The following TMEM65 variants were observed in gnomAD, a reference collection of about 807,000 sequenced individuals.
TMEM65 encodes the protein transmembrane protein 65.
Under a neutral mutation model 25.4 loss-of-function variants are expected in TMEM65, and 22 were observed. The observed-to-expected ratio is 0.86, with a 90% CI of 0.62 to 1.23. TMEM65 has a LOEUF of 1.23. TMEM65 is among the 50% of genes most tolerant of loss of function. The pLI is 0.00. For synonymous variants in TMEM65, 132 were observed against 126.2 expected (o/e 1.05, Z -0.31); for missense variants, 262 against 308.2 (o/e 0.85, Z 1.12).
chr8:124,324,980 C>T (rs1018003799), intron 3 of TMEM65, among the ~76,000 whole-genome samples: 2 of 151,790 alleles, frequency 1.3e-5, no homozygotes, highest in Non-Finnish European at 2.9e-5. Flanking sequence ...CCAAAACTAA[C>T]CCTAAAATAT....
intron 6 of TMEM65, among the ~76,000 whole-genome samples, chr8:124,315,253 C>A (rs1814218950): frequency 6.6e-6 from 1 of 151,960 alleles, no homozygotes; most frequent in South Asian, 2.1e-4. Flanking sequence ...GCTACATAAT[C>A]TTTAGTCTTG....
At position 124,313,838 on chromosome 8, in the gene TMEM65, A is replaced by G. The variant is rs189626815; in HGVS notation, c.*122T>C. On this transcript the variant is annotated 3_prime_UTR_variant, in exon 7 of 7. Coordinates refer to ENST00000297632, the MANE Select transcript of TMEM65 (RefSeq NM_194291.3). ...ACAATAAGTTAGTGTTTTCCATAAT[A>G]CATGCTAAATTATTTGATCCCATAT... 4,035 of 681,104 alleles carry G rather than the reference A, an allele frequency of 5.9e-3. 20 individuals are homozygous for G. The highest frequency in any genetic ancestry group is 8.3e-3 in the Non-Finnish European group (3,328 of 403,150). 42.2% of individuals were successfully genotyped at this position (681,104 alleles called of 1,614,324 possible).
At chr8:124,322,650 C>T (rs990001698) in intron 4 of TMEM65, among the ~76,000 whole-genome samples, 1 of 151,786 alleles carries the variant, frequency 6.6e-6, no homozygotes, top group Non-Finnish European at 1.5e-5. Flanking sequence ...TTTGATTTTT[C>T]TACCCAACTC....
intron 4 of TMEM65, 29 bp from the exon 5 acceptor site, chr8:124,322,176 A>T (rs542666932): frequency 8.5e-6 from 13 of 1,528,258 alleles, no homozygotes; most frequent in Non-Finnish European, 1.2e-5. Context: ...AATAATTGTT[A>T]CATAAAAGAA....
chr8:124,310,948 T>C lies in TMEM65; in HGVS notation c.*3012A>G, dbSNP rs992931303. 4 of 152,172 alleles carry C rather than the reference T, an allele frequency of 2.6e-5. No individual in the cohort carries two copies. Among genetic ancestry groups the C allele is most frequent in the Admixed American group, 2.6e-4 (4 of 15,274 alleles). 9.4% of individuals were successfully genotyped at this position (152,172 alleles called of 1,614,324 possible). A position where few individuals can be genotyped will look rare whatever the true frequency, so the allele number is the denominator to read the frequency against. On this transcript the variant is annotated 3_prime_UTR_variant, in exon 7 of 7. Transcript: ENST00000297632. ...CACTAAGAAAAAGGTTATATTATAT[T>C]TAATATACTGTCTTAAGATGGCGAG...
intron 1 of TMEM65, among the ~76,000 whole-genome samples, chr8:124,340,278 T>A (rs1814569050): frequency 6.6e-6 from 1 of 152,186 alleles, no homozygotes; most frequent in Non-Finnish European, 1.5e-5. Flanking sequence ...TGTTTATATA[T>A]GTCTGCATCT....
rs201630586 is a variant in TMEM65 at position 124,312,448 on chromosome 8, T to C, written c.*1512A>G. On this transcript the variant is annotated 3_prime_UTR_variant, in exon 7 of 7. Transcript: ENST00000297632. ...GTGAAAAAATATCTACTCTGAAGAG[T>C]TCAAAGTAATTATGTATAAATAAAA... 1 of 151,962 alleles carries C rather than the reference T, an allele frequency of 6.6e-6. No individual in the cohort carries two copies. Among genetic ancestry groups the C allele is most frequent in the East Asian group, 1.9e-4 (1 of 5,200 alleles). The allele number at this position is 151,962 out of a possible 1,614,324, so 9.4% of individuals were successfully genotyped here.
chr8:124,317,115 C>T (rs1160822072), intron 6 of TMEM65, among the ~76,000 whole-genome samples: 2 of 152,028 alleles, frequency 1.3e-5, no homozygotes, highest in Non-Finnish European at 2.9e-5. Context: ...TCTATATTAC[C>T]TATGTGTATG....
In TMEM65 at chr8:124,312,425, G is replaced by C. The variant is rs976225505; in HGVS notation, c.*1535C>G. ...GAGAATTTATGACAAACTGCCTTGT[G>C]AAAAAATATCTACTCTGAAGAGTTC... On this transcript the variant is annotated 3_prime_UTR_variant, in exon 7 of 7. Coordinates refer to ENST00000297632, the MANE Select transcript of TMEM65 (RefSeq NM_194291.3). 1 of 151,858 alleles carries C rather than the reference G, an allele frequency of 6.6e-6. No individual in the cohort carries two copies. Among genetic ancestry groups the C allele is most frequent in the African/African-American group, 2.4e-5 (1 of 41,412 alleles). 9.4% of individuals were successfully genotyped at this position (151,858 alleles called of 1,614,324 possible).
At chr8:124,348,007 C>T (rs529772647) in intron 1 of TMEM65, among the ~76,000 whole-genome samples, 21 of 151,852 alleles carry the variant, frequency 1.4e-4, no homozygotes, top group African/African-American at 4.8e-4. Context: ...TCTCCTGCCT[C>T]GGTGTCCCGA....
At chr8:124,349,641 GC>G (rs1245037073) in intron 1 of TMEM65, among the ~76,000 whole-genome samples, 1 of 152,162 alleles carries the variant, frequency 6.6e-6, no homozygotes, top group Non-Finnish European at 1.5e-5. Context: ...CAGGTTACAA[GC>G]CCTCTGGGTC....
intron 2 of TMEM65, among the ~76,000 whole-genome samples, chr8:124,329,230 T>C (rs1814403540): frequency 6.6e-6 from 1 of 152,006 alleles, no homozygotes; most frequent in African/African-American, 2.4e-5. Context: ...TTTTCACTTA[T>C]TGCCTAAATC....
intron 1 of TMEM65, among the ~76,000 whole-genome samples, chr8:124,357,715 C>T (rs542086038): frequency 1.3e-5 from 2 of 151,952 alleles, no homozygotes; most frequent in Admixed American, 6.6e-5. Context: ...TTATTTTCCC[C>T]ATGTGTTTAA....
chr8:124,368,287 T>C (rs1043892784), intron 1 of TMEM65, among the ~76,000 whole-genome samples: 1 of 151,364 alleles, frequency 6.6e-6, no homozygotes, highest in Non-Finnish European at 1.5e-5. Context: ...CCTAAGAGGC[T>C]CCTTTTTTCA....
rs952630998 is a variant in TMEM65, at chr8:124,335,054, A to G, written c.305-4262T>C. Among the ~76,000 whole-genome samples, 4 of 152,302 alleles carry G rather than the reference A, an allele frequency of 2.6e-5. No individual in the cohort carries two copies. The Middle Eastern group carries it at 0.01, about 389-fold the overall frequency. On this transcript the variant is annotated intron_variant, in intron 1 of 6. Transcript: ENST00000297632. ...AAAACTCTTTGAATAAATAATGGCT[A>G]CAAATTTCCCAAATTTAGTGCAAGA...
intron 1 of TMEM65, among the ~76,000 whole-genome samples, chr8:124,355,777 A>G (rs1814771352): frequency 6.6e-6 from 1 of 152,236 alleles, no homozygotes; most frequent in African/African-American, 2.4e-5. Context: ...GGCACCTGCA[A>G]GGACAGACAG....
At chr8:124,332,220 G>C (rs957236125) in intron 1 of TMEM65, among the ~76,000 whole-genome samples, 1 of 152,126 alleles carries the variant, frequency 6.6e-6, no homozygotes, top group Non-Finnish European at 1.5e-5. Context: ...CTATACTCCA[G>C]AGAATTTTCT....
intron 1 of TMEM65, among the ~76,000 whole-genome samples, chr8:124,358,774 G>A (rs985664182): frequency 5.3e-5 from 8 of 152,140 alleles, no homozygotes; most frequent in African/African-American, 1.4e-4. Context: ...TCAGAAGTGC[G>A]ATCCAAAGTC....
At position 124,333,390 on chromosome 8, in the gene TMEM65, T is replaced by C. The variant is rs138728673; in HGVS notation, c.305-2598A>G. Among the ~76,000 whole-genome samples, 279 of 152,142 alleles carry C rather than the reference T, an allele frequency of 1.8e-3. 1 individual carries two copies. The highest frequency in any genetic ancestry group is 6.5e-3 in the African/African-American group (269 of 41,508). On this transcript the variant is annotated intron_variant, in intron 1 of 6. Transcript: ENST00000297632. ...ATATAATAAACTATCTACACTTACA[T>C]TGGAAATGTGTTCTGCTCCAATGTT...
Sources: gnomAD v4.1 joint callset for allele counts (sites outside exome capture counted in the v4.1 genomes callset) on GRCh38, gnomAD v4.1.1 for gene constraint, MANE v1.5 for transcripts, NCBI Gene and HGNC (gene_info 2026-07-23, HGNC 2026-07-21) for gene names.